Variants in SRFBP1 observed in about 807,000 individuals in gnomAD.
The protein encoded by SRFBP1 is serum response factor binding protein 1.
SRFBP1 carries 47 observed loss-of-function variants against 45.5 expected under a neutral mutation model. The observed-to-expected ratio is 1.03, with a 90% CI of 0.82 to 1.32. The LOEUF is 1.32. Among genes scored for constraint, SRFBP1 ranks in the 40% most tolerant of loss-of-function variants. The pLI is 0.00. For synonymous variants in SRFBP1, 203 were observed against 166.3 expected (o/e 1.22, Z -1.70); for missense variants, 621 against 484.6 (o/e 1.28, Z -2.64).
intron 4 of SRFBP1, among the ~76,000 whole-genome samples, chr5:122,018,058 G>A (rs896038571): frequency 6.6e-6 from 1 of 152,198 alleles, no homozygotes; most frequent in African/African-American, 2.4e-5. Context: ...TGCTAGTTGA[G>A]ATGACATTTA....
chr5:122,005,999 T>C (rs529016818), intron 4 of SRFBP1, among the ~76,000 whole-genome samples: 1 of 152,332 alleles, frequency 6.6e-6, no homozygotes, highest in Admixed American at 6.5e-5. Context: ...CAGTGAGTTT[T>C]GTCATTTATT....
chr5:121,966,360 C>G (rs543422171), intron 1 of SRFBP1, among the ~76,000 whole-genome samples: 2 of 152,176 alleles, frequency 1.3e-5, no homozygotes, highest in South Asian at 2.1e-4. Flanking sequence ...ATTTTTGGTA[C>G]TTTGAAGAGA....
chr5:122,025,898 C>T (rs1442635295), intron 7 of SRFBP1, among the ~76,000 whole-genome samples: 2 of 152,026 alleles, frequency 1.3e-5, no homozygotes, highest in South Asian at 2.1e-4. Flanking sequence ...GTCAGGAGTT[C>T]GAGATCAGCC....
In SRFBP1 at chr5:122,059,340, A is replaced by G. The variant is rs144553269; in HGVS notation, n.312-15975A>G. 8.5e-5 allele frequency among the ~76,000 whole-genome samples: 13 copies of G among 152,194 alleles called. No individual in the cohort carries two copies. The East Asian group carries it at 9.7e-4, about 11-fold the overall frequency. ...TCCCAGAGAGCAGGTTGCCTAAATTAGTGAGGAAACTGTACCATGTATGTG... is the reference window on the plus strand; with the variant it reads ...TCCCAGAGAGCAGGTTGCCTAAATTGGTGAGGAAACTGTACCATGTATGTG... On this transcript the variant is annotated intron_variant and non_coding_transcript_variant, in intron 2 of 2. Coordinates refer to the SRFBP1 transcript ENST00000504881.
chr5:121,985,102 G>A (rs1752485007), intron 3 of SRFBP1, among the ~76,000 whole-genome samples: 1 of 151,856 alleles, frequency 6.6e-6, no homozygotes. Context: ...TTAATATGGT[G>A]TCTGCCTTTG....
At chr5:122,007,629 T>C (rs75775709) in intron 4 of SRFBP1, among the ~76,000 whole-genome samples, 6,769 of 151,506 alleles carry the variant, frequency 0.045, 210 homozygotes, top group African/African-American at 0.061. Flanking sequence ...GGGACCTGTG[T>C]AGACAGGAGC....
At chr5:122,000,986 A>C (rs1378335717) in intron 4 of SRFBP1, among the ~76,000 whole-genome samples, 1 of 152,132 alleles carries the variant, frequency 6.6e-6, no homozygotes, top group African/African-American at 2.4e-5. Context: ...AAAATTTGAC[A>C]TACACTGACT....
Position 121,962,673 on chromosome 5 carries a change from T to TTCTC in SRFBP1, c.36+606_36+609dup, listed in dbSNP as rs773990822. 1.1e-4 allele frequency among the ~76,000 whole-genome samples: 17 copies of TTCTC among 152,332 alleles called. No homozygotes were observed. The South Asian group carries it at 1.4e-3, about 13-fold the overall frequency. On this transcript the variant is annotated intron_variant, in intron 1 of 7. Transcript: ENST00000339397. ...TCAGTCCATTCTCATCAGACATTTG[T>TTCTC]TCTCACCACCGTCACTTCCATAGTG...
At chr5:122,051,676 A>T (rs1937217654) in intron 2 of SRFBP1, among the ~76,000 whole-genome samples, 2 of 151,266 alleles carry the variant, frequency 1.3e-5, no homozygotes, top group African/African-American at 4.9e-5. Flanking sequence ...GGTTTCTTGA[A>T]AACCCTTCTT....
chr5:121,975,610 G>A (rs896108691), intron 3 of SRFBP1, among the ~76,000 whole-genome samples: 5 of 151,946 alleles, frequency 3.3e-5, no homozygotes, highest in African/African-American at 1.2e-4. Flanking sequence ...AGGCTAATTT[G>A]AGTCAAAATT....
intron 2 of SRFBP1, among the ~76,000 whole-genome samples, chr5:122,050,297 T>C (rs904298771): frequency 6.6e-6 from 1 of 152,198 alleles, no homozygotes; most frequent in Non-Finnish European, 1.5e-5. Context: ...CTCAGTTTTT[T>C]GGAATAGTTT....
intron 4 of SRFBP1, among the ~76,000 whole-genome samples, chr5:122,013,536 C>A (rs1010045951): frequency 6.6e-6 from 1 of 151,878 alleles, no homozygotes. Flanking sequence ...ATTGCAAATA[C>A]GTGTGAAAGG....
At chr5:121,977,356 C>T (rs1363288037) in intron 3 of SRFBP1, among the ~76,000 whole-genome samples, 2 of 152,002 alleles carry the variant, frequency 1.3e-5, no homozygotes, top group Non-Finnish European at 1.5e-5. Context: ...ACTTCAACTT[C>T]TTTTGTAATG....
chr5:122,049,470 G>T (rs964908986), intron 2 of SRFBP1, among the ~76,000 whole-genome samples: 4 of 152,110 alleles, frequency 2.6e-5, no homozygotes, highest in Admixed American at 2.6e-4. Flanking sequence ...AGATCAACGA[G>T]ACAGAAAGTT....
intron 3 of SRFBP1, among the ~76,000 whole-genome samples, chr5:121,981,064 A>C (rs1752398252): frequency 1.3e-5 from 2 of 152,062 alleles, no homozygotes; most frequent in African/African-American, 4.8e-5. Flanking sequence ...ACCCTCCATC[A>C]GAGTCTGTTT....
intron 2 of SRFBP1, among the ~76,000 whole-genome samples, chr5:122,034,883 T>G (rs1486494717): frequency 6.6e-6 from 1 of 152,174 alleles, no homozygotes; most frequent in Non-Finnish European, 1.5e-5. Context: ...ATTGTTACTC[T>G]TAGTGATCCT....
chr5:122,036,334 C>G (rs1313061427), intron 2 of SRFBP1, among the ~76,000 whole-genome samples: 1 of 151,728 alleles, frequency 6.6e-6, no homozygotes, highest in African/African-American at 2.4e-5. Flanking sequence ...TGTGACTGAC[C>G]CCCCCATTAA....
At chr5:121,992,383 T>G (rs929293124) in intron 3 of SRFBP1, among the ~76,000 whole-genome samples, 16 of 152,052 alleles carry the variant, frequency 1.1e-4, no homozygotes, top group African/African-American at 3.6e-4. Flanking sequence ...CTTTCGTTTT[T>G]TTGTTGTTGT....
chr5:122,032,636 C>T (rs1415463541), downstream of SRFBP1, among the ~76,000 whole-genome samples: 2 of 152,152 alleles, frequency 1.3e-5, no homozygotes, highest in Non-Finnish European at 1.5e-5. Context: ...TATAGTACTC[C>T]ACTGGGTAAA....
Sources: gnomAD v4.1 joint callset for allele counts (sites outside exome capture counted in the v4.1 genomes callset) on GRCh38, gnomAD v4.1.1 for gene constraint, MANE v1.5 for transcripts, NCBI Gene and HGNC (gene_info 2026-07-23, HGNC 2026-07-21) for gene names.